The following CDKL5 variants were observed in gnomAD, a reference collection of about 807,000 sequenced individuals.
CDKL5 encodes cyclin-dependent kinase-like 5.
In CDKL5, 8 loss-of-function variants were observed where a neutral mutation model predicts 61.7. The ratio of observed to expected loss-of-function variants is 0.13; its 90% CI spans 0.08 to 0.23. The LOEUF is 0.23. CDKL5 is among the 10% of genes least tolerant of loss of function. CDKL5 has a pLI of 1.00. For missense variants in CDKL5, 440 were observed against 734.5 expected, an observed-to-expected ratio of 0.60 and a Z score of 4.63; for synonymous variants, 275 against 272.3, an observed-to-expected ratio of 1.01 and a Z score of -0.10.
intron 4 of CDKL5, among the ~76,000 whole-genome samples, chrX:18,571,065 G>A (rs1252825184): frequency 1.8e-5 from 2 of 111,250 alleles, no homozygotes; most frequent in Non-Finnish European, 3.8e-5. Flanking sequence ...TAGAAGTATG[G>A]ACTCGGGAAG....
At chrX:18,570,665 C>T (rs935100177) in intron 4 of CDKL5, among the ~76,000 whole-genome samples, 1 of 111,753 alleles carries the variant, frequency 8.9e-6, no homozygotes, top group Admixed American at 9.5e-5. Flanking sequence ...TAGGTTACAG[C>T]TATTCCTGGA....
At chrX:18,576,282 G>T (rs1390536363) in intron 5 of CDKL5, among the ~76,000 whole-genome samples, 2 of 111,435 alleles carry the variant, frequency 1.8e-5, no homozygotes, top group Non-Finnish European at 3.8e-5. Context: ...AAGAAAAAGA[G>T]AAATTTCTTG....
downstream of CDKL5, chrX:18,641,477 C>T (rs1314480236): frequency 8.1e-6 from 1 of 123,155 alleles, no homozygotes; most frequent in African/African-American, 3.3e-5. Context: ...CCGCACTCAT[C>T]CCTGCCACCC....
intron 11 of CDKL5, among the ~76,000 whole-genome samples, chrX:18,600,567 A>G (rs1435758395): frequency 8.9e-6 from 1 of 112,194 alleles, no homozygotes; most frequent in African/African-American, 3.2e-5. Flanking sequence ...TATAGTGATT[A>G]GTGATATAAC....
chrX:18,544,637 C>T (rs764141762), intron 3 of CDKL5, among the ~76,000 whole-genome samples: 2 of 111,805 alleles, frequency 1.8e-5, no homozygotes, highest in East Asian at 2.8e-4. Context: ...CTTTCAGCGA[C>T]GTGACAACCT....
At chrX:18,510,298 G>A (rs1398955864) in intron 2 of CDKL5, among the ~76,000 whole-genome samples, 2 of 111,625 alleles carry the variant, frequency 1.8e-5, no homozygotes, top group Non-Finnish European at 3.8e-5. Flanking sequence ...GGGATTACAG[G>A]CACCTGCAAC....
chrX:18,564,370 C>T, intron 3 of CDKL5, 107 bp from the exon 4 acceptor site: 2 of 446,587 alleles, frequency 4.5e-6, no homozygotes, highest in Non-Finnish European at 8.0e-6. Context: ...ATTTTTAACA[C>T]TCTGGCTTCT....
In CDKL5 at chrX:18,520,483, C is replaced by A. The variant is rs1367618516; in HGVS notation, c.99+9629C>A. Among the ~76,000 whole-genome samples, 7 of 111,897 alleles carry A rather than the reference C, an allele frequency of 6.3e-5. No individual in the cohort carries two copies. In the Admixed American group the frequency reaches 6.6e-4, roughly 11 times the overall value. The stretch of plus-strand genomic sequence containing the variant: ...ATATACCTCATCGTGTTTATCTTTT[C>A]ATCAGTCATGGACATTTGAGTTGTT... On this transcript the variant is annotated intron_variant, in intron 3 of 17. Transcript: ENST00000623535.
Position 18,516,822 on chromosome X carries a change from C to T in CDKL5, c.99+5968C>T, listed in dbSNP as rs77401012. 7.6e-3 allele frequency among the ~76,000 whole-genome samples: 851 copies of T among 111,960 alleles called. 46 individuals carry two copies. The East Asian group carries it at 0.18, about 24-fold the overall frequency. On this transcript the variant is annotated intron_variant, in intron 3 of 17. Coordinates refer to ENST00000623535, the MANE Select transcript of CDKL5 (RefSeq NM_001323289.2). ...CGCTATCTCGGCTCACTGCAACCTC[C>T]GCCTCCTGGGTTCAAGTGATCTCCT...
At chrX:18,468,553 T>C (rs1269867497) in intron 1 of CDKL5, among the ~76,000 whole-genome samples, 2 of 112,468 alleles carry the variant, frequency 1.8e-5, no homozygotes, top group Non-Finnish European at 3.8e-5. Context: ...GCATTTATAC[T>C]TGTTTTTATA....
At position 18,579,909 on chromosome X, in the gene CDKL5, A is replaced by G. The variant is rs1408290691; in HGVS notation, c.344A>G (p.Tyr115Cys). The G allele has an allele frequency of 8.4e-7, 1 of 1,196,494 alleles. No homozygotes were observed. The change falls in exon 6 of 18, where the codon TAC becomes TGC. Residue 115 changes from tyrosine to cysteine, a missense_variant. Tyr to Cys is a radical substitution (Grantham distance 194, BLOSUM62 -2). This residue lies in a region of CDKL5 where 77 missense variants were observed against 218.2 expected (regional missense o/e 0.35). Coordinates refer to ENST00000623535, the MANE Select transcript of CDKL5 (RefSeq NM_001323289.2). ...NGVPPEKVKS[Y>C]IYQLIKAIHW... ...GTTCCACCTGAGAAAGTAAAAAGCT[A>G]CATCTATCAGCTAATCAAGGCTATT...
At chrX:18,518,299 CA>C (rs936671799) in intron 3 of CDKL5, among the ~76,000 whole-genome samples, 8 of 77,036 alleles carry the variant, frequency 1.0e-4, no homozygotes, top group Non-Finnish European at 9.8e-5. Flanking sequence ...GCACTGACTA[CA>C]AAAAAAAATA....
intron 3 of CDKL5, among the ~76,000 whole-genome samples, chrX:18,530,411 T>C (rs1923603012): frequency 9.0e-6 from 1 of 111,114 alleles, no homozygotes; most frequent in Non-Finnish European, 1.9e-5. Flanking sequence ...TACTGACATA[T>C]CTTACAGCCT....
At chrX:18,518,243 A>G (rs1463583919) in intron 3 of CDKL5, among the ~76,000 whole-genome samples, 2 of 108,820 alleles carry the variant, frequency 1.8e-5, no homozygotes, top group Admixed American at 2.0e-4. Context: ...CCAGACATCT[A>G]AGGAAAATCT....
chrX:18,440,134 A>G (rs773293493), intron 1 of CDKL5, among the ~76,000 whole-genome samples: 1 of 111,143 alleles, frequency 9.0e-6, no homozygotes, highest in African/African-American at 3.3e-5. Flanking sequence ...TGTTCCTTTC[A>G]TTGTAGGTTC....
intron 9 of CDKL5, chrX:18,589,508 T>C (rs1355927965): frequency 9.0e-6 from 1 of 111,569 alleles, no homozygotes; most frequent in East Asian, 2.8e-4. Flanking sequence ...CCATGGTGTA[T>C]ATGTGCCACA....
At chrX:18,594,938 T>C (rs1314816251) in intron 9 of CDKL5, among the ~76,000 whole-genome samples, 1 of 111,774 alleles carries the variant, frequency 8.9e-6, no homozygotes, top group Non-Finnish European at 1.9e-5. Flanking sequence ...ATCCCAGCAC[T>C]TTGGGAGGCT....
At chrX:18,515,409 C>T (rs1448480926) in intron 3 of CDKL5, among the ~76,000 whole-genome samples, 1 of 111,597 alleles carries the variant, frequency 9.0e-6, no homozygotes, top group East Asian at 2.8e-4. Context: ...TTTGAGATAG[C>T]TAGTTATACA....
chrX:18,629,698 CA>C lies in CDKL5; in HGVS notation c.*944del. On this transcript the variant is annotated 3_prime_UTR_variant, in exon 18 of 18. Coordinates refer to ENST00000623535, the MANE Select transcript of CDKL5 (RefSeq NM_001323289.2). Reference sequence around the variant, plus strand: ...GCAGACGAGATGCAGCATCTCTTTCCAAACCTGCAGGGGAAGAAAGTCAGAT... The same window carrying C: ...GCAGACGAGATGCAGCATCTCTTTCCAACCTGCAGGGGAAGAAAGTCAGAT... 1 of 753,856 alleles carries C rather than the reference CA, an allele frequency of 1.3e-6. No homozygotes were observed. Among genetic ancestry groups the C allele is most frequent in the Non-Finnish European group, 1.6e-6 (1 of 639,138 alleles). 62.1% of individuals were successfully genotyped at this position (753,856 alleles called of 1,213,427 possible).
Sources: gnomAD v4.1 joint callset for allele counts (sites outside exome capture counted in the v4.1 genomes callset) on GRCh38, gnomAD v4.1.1 for gene constraint, gnomAD v4.1.1 regional missense constraint, MANE v1.5 for transcripts, NCBI Gene and HGNC (gene_info 2026-07-23, HGNC 2026-07-21) for gene names.